Variants in CHSY3 observed in about 807,000 individuals in gnomAD.
The protein encoded by CHSY3 is N-acetylgalactosaminyl-proteoglycan 3-beta-glucuronosyltransferase 3.
Under a neutral mutation model 67.2 loss-of-function variants are expected in CHSY3, and 35 were observed. The ratio of observed to expected loss-of-function variants is 0.52; its 90% confidence interval spans 0.40 to 0.69. CHSY3 has a LOEUF of 0.69. Ranked by LOEUF, CHSY3 falls within the 30% of genes least tolerant of loss-of-function variation. The pLI is 0.00. For missense variants in CHSY3, 1,069 were observed against 1,138.5 expected, an observed-to-expected ratio of 0.94 and a Z score of 0.88; for synonymous variants, 474 against 434.7, an observed-to-expected ratio of 1.09 and a Z score of -1.12.
At chr5:129,929,470 A>G (rs1313543647) in intron 2 of CHSY3, among the ~76,000 whole-genome samples, 1 of 152,068 alleles carries the variant, frequency 6.6e-6, no homozygotes, top group African/African-American at 2.4e-5. Context: ...CACATGGGAC[A>G]TGGGCACACA....
intron 2 of CHSY3, among the ~76,000 whole-genome samples, chr5:130,032,146 G>T (rs1411017427): frequency 6.6e-6 from 1 of 152,106 alleles, no homozygotes; most frequent in East Asian, 1.9e-4. Context: ...GGTTTGGAAT[G>T]TATCTGTTGC....
At chr5:129,999,114 T>C (rs1477274221) in intron 2 of CHSY3, among the ~76,000 whole-genome samples, 1 of 137,054 alleles carries the variant, frequency 7.3e-6, no homozygotes, top group Non-Finnish European at 1.6e-5. Context: ...CAGATCTAGC[T>C]CCCCCCTCCC....
intron 2 of CHSY3, among the ~76,000 whole-genome samples, chr5:130,046,819 T>C (rs1307805194): frequency 3.9e-5 from 6 of 152,086 alleles, no homozygotes; most frequent in Admixed American, 1.3e-4. Flanking sequence ...AATCAGATTA[T>C]TTTGTGATCT....
chr5:129,918,975 C>T (rs949105456), intron 2 of CHSY3, among the ~76,000 whole-genome samples: 1 of 148,328 alleles, frequency 6.7e-6, no homozygotes, highest in African/African-American at 2.5e-5. Flanking sequence ...GGCGCGGTGG[C>T]GGGCGCCTGT....
At chr5:130,000,578 C>T (rs1763690915) in intron 2 of CHSY3, among the ~76,000 whole-genome samples, 1 of 145,752 alleles carries the variant, frequency 6.9e-6, no homozygotes. Context: ...TATATTGTTG[C>T]CTTCTTTCAC....
chr5:130,154,890 A>C (rs1769327831), intron 2 of CHSY3, among the ~76,000 whole-genome samples: 1 of 152,172 alleles, frequency 6.6e-6, no homozygotes, highest in Non-Finnish European at 1.5e-5. Context: ...CTAAAACTTT[A>C]ACTTGCATCC....
At chr5:130,132,933 A>G (rs961510419) in intron 2 of CHSY3, among the ~76,000 whole-genome samples, 1 of 152,172 alleles carries the variant, frequency 6.6e-6, no homozygotes, top group Non-Finnish European at 1.5e-5. Flanking sequence ...GACTTCTGTA[A>G]TCTTTCACCA....
chr5:129,970,409 GA>G (rs1178933413), intron 2 of CHSY3, among the ~76,000 whole-genome samples: 9 of 136,896 alleles, frequency 6.6e-5, no homozygotes, highest in African/African-American at 2.1e-4. Context: ...TAGATAGATA[GA>G]TAGATAGATA....
At chr5:129,922,315 C>T (rs1281399592) in intron 2 of CHSY3, among the ~76,000 whole-genome samples, 1 of 152,236 alleles carries the variant, frequency 6.6e-6, no homozygotes, top group Non-Finnish European at 1.5e-5. Flanking sequence ...AATATCTCTT[C>T]AATGTACTGA....
intron 2 of CHSY3, among the ~76,000 whole-genome samples, chr5:130,022,597 T>C (rs1764425591): frequency 6.6e-6 from 1 of 152,008 alleles, no homozygotes; most frequent in African/African-American, 2.4e-5. Flanking sequence ...CTGTAACTTA[T>C]AATTTATTTT....
chr5:129,921,562 C>T (rs1047947444), intron 2 of CHSY3, among the ~76,000 whole-genome samples: 2 of 152,180 alleles, frequency 1.3e-5, no homozygotes, highest in African/African-American at 2.4e-5. Flanking sequence ...AAACCCTCCA[C>T]AGAAAGTGAA....
chr5:129,999,678 C>A (rs1763662361), intron 2 of CHSY3, among the ~76,000 whole-genome samples: 1 of 152,048 alleles, frequency 6.6e-6, no homozygotes, highest in South Asian at 2.1e-4. Flanking sequence ...TTTCAGTTTC[C>A]TGAACACACC....
chr5:130,173,509 C>T (rs1769956709), intron 2 of CHSY3, among the ~76,000 whole-genome samples: 1 of 152,104 alleles, frequency 6.6e-6, no homozygotes, highest in Non-Finnish European at 1.5e-5. Context: ...CATGTATACA[C>T]ACATGGATTT....
chr5:130,036,022 A>G (rs1197770729), intron 2 of CHSY3, among the ~76,000 whole-genome samples: 2 of 150,908 alleles, frequency 1.3e-5, no homozygotes, highest in African/African-American at 4.9e-5. Flanking sequence ...CCTTTGTTCA[A>G]TCCTGGGCAA....
At chr5:129,976,021 T>C (rs1211725522) in intron 2 of CHSY3, among the ~76,000 whole-genome samples, 1 of 152,098 alleles carries the variant, frequency 6.6e-6, no homozygotes, top group African/African-American at 2.4e-5. Flanking sequence ...TGTGTTCTTC[T>C]GTGTGAAAAA....
intron 2 of CHSY3, among the ~76,000 whole-genome samples, chr5:130,173,868 G>A (rs2149734025): frequency 6.6e-6 from 1 of 151,636 alleles, no homozygotes; most frequent in Non-Finnish European, 1.5e-5. Flanking sequence ...TACCAGAGAA[G>A]TAGGGCACAT....
At chr5:129,990,948 C>T (rs1019424022) in intron 2 of CHSY3, among the ~76,000 whole-genome samples, 1 of 151,968 alleles carries the variant, frequency 6.6e-6, no homozygotes, top group Non-Finnish European at 1.5e-5. Context: ...AGAGGTGACA[C>T]CTAGGATAAG....
At chr5:130,034,953 C>T (rs180853417) in intron 2 of CHSY3, among the ~76,000 whole-genome samples, 228 of 152,018 alleles carry the variant, frequency 1.5e-3, no homozygotes, top group African/African-American at 5.4e-3. Flanking sequence ...ATGGCTAGTA[C>T]AGAGTGGACA....
chr5:130,068,692 T>G (rs772453034), intron 2 of CHSY3, among the ~76,000 whole-genome samples: 4 of 152,282 alleles, frequency 2.6e-5, no homozygotes, highest in Non-Finnish European at 5.9e-5. Context: ...TTAAATGGTA[T>G]GAGTCTGTAA....
Sources: allele counts gnomAD v4.1 joint callset (sites outside exome capture counted in the v4.1 genomes callset), GRCh38; gene constraint gnomAD v4.1.1; transcripts MANE v1.5; gene names NCBI Gene and HGNC (gene_info 2026-07-23, HGNC 2026-07-21).